F8: variants seen among roughly 807,000 people sequenced by gnomAD.
F8 encodes antihemophilic factor.
A neutral mutation model predicts 140.6 loss-of-function variants in F8; 12 were observed. The ratio of observed to expected loss-of-function variants is 0.09; its 90% CI spans 0.05 to 0.14. The LOEUF is 0.14. Among genes scored for constraint, F8 ranks in the 10% least tolerant of loss-of-function variants. F8 has a pLI of 1.00. For missense variants in F8, 1,354 were observed against 1,720.7 expected (o/e 0.79, Z 3.77); for synonymous variants, 585 against 614.6 (o/e 0.95, Z 0.71).
intron 1 of F8, among the ~76,000 whole-genome samples, chrX:155,004,305 C>T (rs1298754893): frequency 8.9e-6 from 1 of 112,178 alleles, no homozygotes; most frequent in East Asian, 2.8e-4. Flanking sequence ...AATTTATTGA[C>T]AGTAGACCTG....
chrX:154,839,401 C>T (rs1052099944), intron 25 of F8, among the ~76,000 whole-genome samples: 29 of 104,056 alleles, frequency 2.8e-4, no homozygotes, highest in Non-Finnish European at 4.9e-4. Context: ...CTCGCTCTGT[C>T]GCCCAGGCTG....
In F8 at chrX:154,892,728, G is replaced by C. The variant is rs146451608; in HGVS notation, c.6429+3349C>G. 5.7e-3 allele frequency among the ~76,000 whole-genome samples: 638 copies of C among 111,705 alleles called. 7 individuals are homozygous for C. Among genetic ancestry groups the C allele is most frequent in the African/African-American group, 0.02 (607 of 30,695 alleles). On this transcript the variant is annotated intron_variant, in intron 22 of 25. Transcript: ENST00000360256. ...ATAAAGATACTAGTTAGGAGGGTGG[G>C]AACAGAGTATTACCATCCTGTAAAC...
At chrX:154,933,985 A>G (rs1039558579) in intron 13 of F8, among the ~76,000 whole-genome samples, 1 of 111,769 alleles carries the variant, frequency 8.9e-6, no homozygotes, top group Non-Finnish European at 1.9e-5. Flanking sequence ...CAGACTACCC[A>G]AGGGCCATAG....
chrX:154,900,610 A>G (rs1247554511), intron 20 of F8, among the ~76,000 whole-genome samples: 3 of 112,427 alleles, frequency 2.7e-5, no homozygotes, highest in African/African-American at 9.7e-5. Context: ...CAAATAAAAG[A>G]CATTTTAAAA....
chrX:154,910,809 T>C (rs1188893937), intron 14 of F8, among the ~76,000 whole-genome samples: 1 of 107,816 alleles, frequency 9.3e-6, no homozygotes. Context: ...GCAGTTGAGA[T>C]AAGAGGAAGG....
At chrX:154,847,770 C>A (rs888250654) in intron 25 of F8, among the ~76,000 whole-genome samples, 2 of 112,803 alleles carry the variant, frequency 1.8e-5, no homozygotes, top group Non-Finnish European at 3.8e-5. Flanking sequence ...TCATCTGAAG[C>A]CTTCTTCTCT....
In F8 at chrX:154,981,105, A is replaced by G. The variant is rs138163768; in HGVS notation, c.787+3582T>C. On this transcript the variant is annotated intron_variant, in intron 6 of 25. Transcript: ENST00000360256. ...AGAGGGCACTCAGGCCATACGGGAG[A>G]GTTTTCCGGTGTAAAAACCGTGGGT... 4.5e-4 allele frequency among the ~76,000 whole-genome samples: 50 copies of G among 111,422 alleles called. No homozygotes were observed. The East Asian group carries it at 0.013, about 28-fold the overall frequency.
At chrX:155,020,433 G>A (rs1158304129) in intron 1 of F8, among the ~76,000 whole-genome samples, 1 of 112,081 alleles carries the variant, frequency 8.9e-6, no homozygotes, top group Non-Finnish European at 1.9e-5. Flanking sequence ...AAATCTGGGA[G>A]ATTACACGTA....
chrX:154,957,249 G>C, intron 10 of F8, 78 bp from the exon 11 acceptor site: 1 of 798,400 alleles, frequency 1.3e-6, no homozygotes, highest in South Asian at 2.1e-5. Flanking sequence ...GTTGTTGCAA[G>C]GGTTCTACAA....
intron 25 of F8, among the ~76,000 whole-genome samples, chrX:154,853,011 G>C (rs896633838): frequency 2.7e-5 from 3 of 111,762 alleles, no homozygotes; most frequent in African/African-American, 9.7e-5. Context: ...CATTTATTTA[G>C]TTATTTAATT....
intron 7 of F8, among the ~76,000 whole-genome samples, chrX:154,968,880 A>G (rs1462518518): frequency 3.6e-5 from 4 of 110,053 alleles, no homozygotes; most frequent in African/African-American, 1.3e-4. Flanking sequence ...ATTACTAATG[A>G]TATAGTGGAG....
At chrX:154,978,207 A>T in intron 6 of F8, among the ~76,000 whole-genome samples, 1 of 108,814 alleles carries the variant, frequency 9.2e-6, no homozygotes, top group African/African-American at 3.4e-5. Flanking sequence ...CTTGTATCTC[A>T]CTGAGTTTAT....
At chrX:154,910,837 T>G (rs2073063246) in intron 14 of F8, among the ~76,000 whole-genome samples, 1 of 108,520 alleles carries the variant, frequency 9.2e-6, no homozygotes, top group Non-Finnish European at 1.9e-5. Context: ...CTCCTGCTCG[T>G]CCCTGGGCAA....
chrX:154,935,553 CAT>C (rs1308466577), intron 13 of F8, among the ~76,000 whole-genome samples: 9 of 111,934 alleles, frequency 8.0e-5, no homozygotes, highest in African/African-American at 2.6e-4. Flanking sequence ...AGATCATAGA[CAT>C]ATATGTAACA....
intron 22 of F8, among the ~76,000 whole-genome samples, chrX:154,892,455 A>G (rs1315547314): frequency 1.8e-5 from 2 of 112,379 alleles, no homozygotes; most frequent in African/African-American, 6.5e-5. Context: ...AACTCATCCC[A>G]TAGTATCACT....
At chrX:154,990,573 G>A (rs1187317785) in intron 4 of F8, among the ~76,000 whole-genome samples, 1 of 112,128 alleles carries the variant, frequency 8.9e-6, no homozygotes, top group Non-Finnish European at 1.9e-5. Flanking sequence ...CATCAGACAT[G>A]TTTTAAGGAA....
At chrX:154,976,040 C>G (rs977779544) in intron 6 of F8, among the ~76,000 whole-genome samples, 3 of 111,030 alleles carry the variant, frequency 2.7e-5, no homozygotes, top group African/African-American at 9.8e-5. Context: ...GGACTACAGG[C>G]GCCTGCCACC....
intron 1 of F8, among the ~76,000 whole-genome samples, chrX:155,001,534 C>T (rs1557285615): frequency 9.1e-6 from 1 of 110,438 alleles, no homozygotes; most frequent in Non-Finnish European, 1.9e-5. Flanking sequence ...AAGCAATCCA[C>T]CCTCCTTGGC....
chrX:154,954,271 C>A (rs1484893427), intron 11 of F8, among the ~76,000 whole-genome samples: 1 of 111,558 alleles, frequency 9.0e-6, no homozygotes, highest in Non-Finnish European at 1.9e-5. Flanking sequence ...GGTGACTGAT[C>A]CCACTGAACT....
Sources: allele counts gnomAD v4.1 joint callset (sites outside exome capture counted in the v4.1 genomes callset), GRCh38; gene constraint gnomAD v4.1.1; transcripts MANE v1.5; gene names NCBI Gene and HGNC (gene_info 2026-07-23, HGNC 2026-07-21).